Variants in EYA2 observed in about 807,000 individuals in gnomAD.
EYA2 encodes the protein protein phosphatase EYA2.
Under a neutral mutation model 69.2 loss-of-function variants are expected in EYA2, and 31 were observed. The ratio of observed to expected loss-of-function variants is 0.45; its 90% CI spans 0.34 to 0.60. The LOEUF (loss-of-function observed/expected upper bound fraction) is 0.60. Ranked by LOEUF, EYA2 falls within the 20% of genes least tolerant of loss-of-function variation. The pLI is 0.02. For synonymous variants in EYA2, 257 were observed against 279.4 expected, an observed-to-expected ratio of 0.92 and a Z score of 0.80; for missense variants, 622 against 701.2, an observed-to-expected ratio of 0.89 and a Z score of 1.28.
At chr20:47,102,050 G>A (rs983492604) in intron 9 of EYA2, among the ~76,000 whole-genome samples, 2 of 152,166 alleles carry the variant, frequency 1.3e-5, no homozygotes, top group African/African-American at 2.4e-5. Flanking sequence ...AAAACCCAGG[G>A]ATACCTGGGA....
intron 10 of EYA2, among the ~76,000 whole-genome samples, chr20:47,166,015 C>T (rs1018971286): frequency 6.6e-6 from 1 of 152,108 alleles, no homozygotes; most frequent in Non-Finnish European, 1.5e-5. Flanking sequence ...CATATTGAGA[C>T]CCTATCTCTA....
At chr20:47,003,875 GCTCT>G (rs1344948532) in intron 3 of EYA2, among the ~76,000 whole-genome samples, 1 of 152,180 alleles carries the variant, frequency 6.6e-6, no homozygotes, top group Non-Finnish European at 1.5e-5. Context: ...TGTGTTTTCA[GCTCT>G]CTGAGTTTTG....
chr20:46,898,424 C>G (rs5012187), intron 1 of EYA2, among the ~76,000 whole-genome samples: 11,577 of 146,632 alleles, frequency 0.079, 1,029 homozygotes, highest in East Asian at 0.43. Flanking sequence ...CACACACACA[C>G]CACAATTCTT....
chr20:47,003,213 C>A (rs76425559), intron 3 of EYA2, among the ~76,000 whole-genome samples: 1 of 152,066 alleles, frequency 6.6e-6, no homozygotes, highest in Non-Finnish European at 1.5e-5. Context: ...ATGCTTGTGG[C>A]GTGTTATTAA....
At chr20:46,954,215 T>G (rs757355677) in intron 1 of EYA2, among the ~76,000 whole-genome samples, 1 of 152,070 alleles carries the variant, frequency 6.6e-6, no homozygotes, top group Non-Finnish European at 1.5e-5. Context: ...TTTAAGCGCC[T>G]CCTGTTTATT....
chr20:47,130,866 G>A (rs1178963446), intron 9 of EYA2, among the ~76,000 whole-genome samples: 1 of 152,184 alleles, frequency 6.6e-6, no homozygotes, highest in Non-Finnish European at 1.5e-5. Context: ...AAGGTAGGCA[G>A]ATCACCTGAG....
intron 5 of EYA2, among the ~76,000 whole-genome samples, chr20:47,052,624 A>G (rs548192262): frequency 6.6e-6 from 1 of 152,042 alleles, no homozygotes; most frequent in Non-Finnish European, 1.5e-5. Flanking sequence ...CTTTCTTTTT[A>G]TCTTTTTTCT....
chr20:46,949,130 G>A (rs1978647353), intron 1 of EYA2, among the ~76,000 whole-genome samples: 1 of 152,172 alleles, frequency 6.6e-6, no homozygotes, highest in South Asian at 2.1e-4. Flanking sequence ...TTGATCATTT[G>A]GCTATGGTGT....
At chr20:47,046,171 A>G (rs2030025850) in intron 5 of EYA2, among the ~76,000 whole-genome samples, 1 of 152,180 alleles carries the variant, frequency 6.6e-6, no homozygotes, top group Admixed American at 6.5e-5. Flanking sequence ...TACATGGCAG[A>G]AAGAAGAGAG....
intron 9 of EYA2, among the ~76,000 whole-genome samples, chr20:47,138,542 G>A (rs1165920696): frequency 6.6e-6 from 1 of 152,004 alleles, no homozygotes; most frequent in Non-Finnish European, 1.5e-5. Context: ...TTGAGCTCAG[G>A]AGTTTGAGAC....
rs76444829 is a variant in EYA2, at chr20:47,170,966, C to T, written c.1038-1741C>T. On this transcript the variant is annotated intron_variant, in intron 11 of 15. Coordinates refer to ENST00000327619, the MANE Select transcript of EYA2 (RefSeq NM_005244.5). Reference sequence around the variant, plus strand: ...GCCCGGCACAATCGGAAGTGATCAGCCGGCAGATGCCTGCTTCATTTTAAT... The same window carrying T: ...GCCCGGCACAATCGGAAGTGATCAGTCGGCAGATGCCTGCTTCATTTTAAT... 5.5e-3 allele frequency among the ~76,000 whole-genome samples: 834 copies of T among 152,356 alleles called. 29 individuals carry two copies. The East Asian group carries it at 0.081, about 15-fold the overall frequency.
chr20:47,003,638 A>C (rs576957771), intron 3 of EYA2, among the ~76,000 whole-genome samples: 1 of 152,356 alleles, frequency 6.6e-6, no homozygotes, highest in East Asian at 1.9e-4. Context: ...AAAAAAAATA[A>C]CTTCACTGGT....
chr20:46,974,445 A>T (rs569283115), intron 1 of EYA2, among the ~76,000 whole-genome samples: 1 of 152,214 alleles, frequency 6.6e-6, no homozygotes, highest in African/African-American at 2.4e-5. Context: ...GCAATGGGCT[A>T]TGGTTGGGAT....
intron 10 of EYA2, among the ~76,000 whole-genome samples, chr20:47,157,781 C>T (rs993312051): frequency 1.3e-5 from 2 of 151,916 alleles, no homozygotes; most frequent in African/African-American, 4.8e-5. Flanking sequence ...AGAGAAAGTG[C>T]GTTTTTGGTG....
In EYA2 at chr20:47,118,882, C is replaced by T. The variant is rs1407156266; in HGVS notation, c.888+21714C>T. Among the ~76,000 whole-genome samples the T allele has an allele frequency of 4.6e-5, 7 of 152,170 alleles. No individual in the cohort carries two copies. The East Asian group carries it at 1.3e-3, about 29-fold the overall frequency. On this transcript the variant is annotated intron_variant, in intron 9 of 15. Coordinates refer to ENST00000327619, the MANE Select transcript of EYA2 (RefSeq NM_005244.5). ...CAACTTCCCCCGCTTTCTTGCCCCA[C>T]CTCTCAGTGAATGCTGAAGGGCATC...
At position 47,169,074 on chromosome 20, in the gene EYA2, A is replaced by G. The variant is rs936990275; in HGVS notation, c.979-65A>G. On this transcript the variant is annotated intron_variant, in intron 10 of 15. Coordinates refer to ENST00000327619, the MANE Select transcript of EYA2 (RefSeq NM_005244.5). ...CCTCAGCTTATGAGGCCAACCCTTG[A>G]AGGCTACATCAGATTAACCAGGCAT... 76 of 1,499,698 alleles carry G rather than the reference A, an allele frequency of 5.1e-5. No individual in the cohort carries two copies. In the African/African-American group the frequency reaches 9.8e-4, roughly 19 times the overall value. 92.9% of individuals were successfully genotyped at this position (1,499,698 alleles called of 1,614,324 possible). A position where few individuals can be genotyped will look rare whatever the true frequency, so the allele number is the denominator to read the frequency against.
intron 1 of EYA2, among the ~76,000 whole-genome samples, chr20:46,987,358 C>T (rs1320485939): frequency 2.0e-5 from 3 of 152,134 alleles, no homozygotes; most frequent in East Asian, 3.9e-4. Flanking sequence ...ATGTGAAAGC[C>T]GTTCCAGACT....
chr20:47,014,629 T>C (rs201687761), intron 4 of EYA2, among the ~76,000 whole-genome samples: 1,572 of 7,884 alleles, frequency 0.2, 24 homozygotes, highest in African/African-American at 0.46. Flanking sequence ...GTGCACAAAA[T>C]GTGTGTGTGT....
chr20:46,896,768 C>CT (rs916202984), intron 1 of EYA2, among the ~76,000 whole-genome samples: 1 of 152,050 alleles, frequency 6.6e-6, no homozygotes, highest in Non-Finnish European at 1.5e-5. Context: ...AGAGCCTGAA[C>CT]TTTTTTTTAC....
Sources: allele counts gnomAD v4.1 joint callset (sites outside exome capture counted in the v4.1 genomes callset), GRCh38; gene constraint gnomAD v4.1.1; transcripts MANE v1.5; gene names NCBI Gene and HGNC (gene_info 2026-07-23, HGNC 2026-07-21).